Variants in CACNG2 observed in about 807,000 individuals in gnomAD.
CACNG2 encodes calcium voltage-gated channel auxiliary subunit gamma 2, also known as voltage-dependent calcium channel gamma-2 subunit.
Under a neutral mutation model 25.9 loss-of-function variants are expected in CACNG2, and 3 were observed. That is an observed-to-expected ratio of 0.12 (90% CI 0.05 to 0.30). The LOEUF is 0.30. Ranked by LOEUF, CACNG2 falls within the 10% of genes least tolerant of loss-of-function variation. The probability of loss-of-function intolerance (pLI) is 1.00; values close to 1 mark genes in which losing one functional copy is unlikely to be tolerated. For synonymous variants in CACNG2, 167 were observed against 173.3 expected (o/e 0.96, Z 0.29); for missense variants, 341 against 432.5 (o/e 0.79, Z 1.88).
At chr22:36,668,192 G>C (rs1397006989) in intron 1 of CACNG2, among the ~76,000 whole-genome samples, 1 of 152,212 alleles carries the variant, frequency 6.6e-6, no homozygotes, top group Admixed American at 6.5e-5. Flanking sequence ...ACTCCTGGCT[G>C]TCAGTCCTCA....
chr22:36,613,156 CTGTGTGTGTG>C (rs61572491), intron 1 of CACNG2, among the ~76,000 whole-genome samples: 17,180 of 146,218 alleles, frequency 0.12, 1,020 homozygotes, highest in East Asian at 0.23. Context: ...TACAGGCTCT[CTGTGTGTGTG>C]TGTGTGTGTG....
intron 1 of CACNG2, among the ~76,000 whole-genome samples, chr22:36,663,764 C>T (rs1936834536): frequency 1.3e-5 from 2 of 152,182 alleles, no homozygotes; most frequent in Admixed American, 6.5e-5. Context: ...CATGGGGACC[C>T]GCTGTGTCCT....
At chr22:36,655,544 T>C (rs1314320831) in intron 1 of CACNG2, among the ~76,000 whole-genome samples, 1 of 152,222 alleles carries the variant, frequency 6.6e-6, no homozygotes, top group Non-Finnish European at 1.5e-5. Context: ...TCGCCCTTTA[T>C]AGATTCAGCC....
chr22:36,669,091 T>C (rs1033716069), intron 1 of CACNG2, among the ~76,000 whole-genome samples: 8 of 152,120 alleles, frequency 5.3e-5, no homozygotes, highest in Non-Finnish European at 1.5e-5. Context: ...TTTAGCCCAG[T>C]TGAGTTGACA....
In CACNG2 at chr22:36,563,696, C is replaced by G. The variant is rs1935068050; in HGVS notation, c.*655G>C. 6.6e-6 allele frequency among the ~76,000 whole-genome samples: 1 copy of G among 151,894 alleles called. No homozygotes were observed. The highest frequency in any genetic ancestry group is 2.4e-5 in the African/African-American group (1 of 41,364). On this transcript the variant is annotated 3_prime_UTR_variant, in exon 4 of 4. Transcript: ENST00000300105. ...TCGAGCTCTGAGCCTTCCTGGAGTT[C>G]CTGGGGCACCCACCCAGGGGCTCCA...
At chr22:36,638,032 A>T (rs1936384275) in intron 1 of CACNG2, among the ~76,000 whole-genome samples, 1 of 152,086 alleles carries the variant, frequency 6.6e-6, no homozygotes, top group African/African-American at 2.4e-5. Context: ...AAAAAAAAAA[A>T]AAGAATCTTG....
chr22:36,645,750 C>T (rs1936513695), intron 1 of CACNG2, among the ~76,000 whole-genome samples: 1 of 152,144 alleles, frequency 6.6e-6, no homozygotes, highest in Non-Finnish European at 1.5e-5. Flanking sequence ...ACAGGAATCT[C>T]ATAATGGGAA....
chr22:36,566,582 C>T (rs6519020), intron 2 of CACNG2, 89 bp from the exon 3 acceptor site: 47,978 of 1,414,812 alleles, frequency 0.034, 3,007 homozygotes, highest in African/African-American at 0.26. Flanking sequence ...AGCCCCGAGG[C>T]GCTGGGGGTT....
At chr22:36,640,969 C>T (rs1368251777) in intron 1 of CACNG2, among the ~76,000 whole-genome samples, 4 of 152,184 alleles carry the variant, frequency 2.6e-5, no homozygotes, top group African/African-American at 9.7e-5. Context: ...CAAGGACTCG[C>T]AGGACCTACG....
At chr22:36,677,047 T>C (rs1937029436) in intron 1 of CACNG2, among the ~76,000 whole-genome samples, 1 of 152,036 alleles carries the variant, frequency 6.6e-6, no homozygotes, top group Non-Finnish European at 1.5e-5. Context: ...TCTACTCTTC[T>C]CTGGTTCTAA....
At chr22:36,627,773 C>T (rs914321215) in intron 1 of CACNG2, among the ~76,000 whole-genome samples, 1 of 151,986 alleles carries the variant, frequency 6.6e-6, no homozygotes, top group Non-Finnish European at 1.5e-5. Flanking sequence ...CAGGCGTGCG[C>T]CACCATGCCC....
chr22:36,660,222 C>G lies in CACNG2; in HGVS notation c.211+42144G>C, dbSNP rs562728345. On this transcript the variant is annotated intron_variant, in intron 1 of 3. Coordinates refer to ENST00000300105, the MANE Select transcript of CACNG2 (RefSeq NM_006078.5). ...CCCGTCCCCAGTGCTCATGACAGGA[C>G]TTGGCACCATGTAGGGGCTGCTCAG... Among the ~76,000 whole-genome samples the G allele has an allele frequency of 2.4e-4, 37 of 152,366 alleles. 2 individuals carry two copies. The South Asian group carries it at 6.6e-3, about 27-fold the overall frequency.
At position 36,564,407 on chromosome 22, in the gene CACNG2, C is replaced by G; in HGVS notation, c.916G>C (p.Glu306Gln). ...TTGGAGTGGAGAGAGTCCTTGTTCT[C>G]CTTCTGGATACAGTTGTGAACCTGG... ...FLQVHNCIQK[E>Q]NKDSLHSNTA... The change falls in exon 4 of 4, where the codon GAG (glutamate) becomes CAG (glutamine). Residue 306 changes from glutamate (E) to glutamine (Q), a missense_variant. Around this residue, in one of 2 missense-constraint regions of CACNG2, gnomAD observed 172 missense variants for 178.1 expected, o/e 0.97. Transcript: ENST00000300105. The surrounding 1 kb of genome is among the most constrained non-coding windows in gnomAD (Gnocchi z 6.7). 6.2e-7 allele frequency: 1 copy of G among 1,613,946 alleles called. No homozygotes were observed. Among genetic ancestry groups the G allele is most frequent in the East Asian group, 2.2e-5 (1 of 44,858 alleles).
intron 1 of CACNG2, among the ~76,000 whole-genome samples, chr22:36,624,208 G>C (rs1936149330): frequency 6.6e-6 from 1 of 152,206 alleles, no homozygotes; most frequent in Non-Finnish European, 1.5e-5. Context: ...GAGTCTGTGT[G>C]GGAGGCAGCG....
At chr22:36,700,189 A>G (rs1283390265) in intron 1 of CACNG2, among the ~76,000 whole-genome samples, 1 of 152,236 alleles carries the variant, frequency 6.6e-6, no homozygotes, top group Non-Finnish European at 1.5e-5. Flanking sequence ...CTTTACAGAC[A>G]ACTCAGGGAG....
At chr22:36,634,378 T>C (rs1251002788) in intron 1 of CACNG2, among the ~76,000 whole-genome samples, 1 of 152,198 alleles carries the variant, frequency 6.6e-6, no homozygotes, top group Non-Finnish European at 1.5e-5. Flanking sequence ...CATGGTGACT[T>C]CAGAAGCTGT....
At chr22:36,686,308 C>T (rs1370922532) in intron 1 of CACNG2, among the ~76,000 whole-genome samples, 2 of 152,172 alleles carry the variant, frequency 1.3e-5, no homozygotes, top group African/African-American at 2.4e-5. Flanking sequence ...AAGGAGATGA[C>T]CCTGTCACAG....
Position 36,564,073 on chromosome 22 carries a change from A to T in CACNG2, c.*278T>A, listed in dbSNP as rs1935077733. ...TTTTTTATCCCTCTCGCTTTTTTTT[A>T]AAGTTTGTTTTCTTCCCTCGTTTAT... On this transcript the variant is annotated 3_prime_UTR_variant, in exon 4 of 4. Transcript: ENST00000300105. This position sits in a 1 kb window ranked among gnomAD's most constrained non-coding sequence, Gnocchi z 6.7. 1 of 298,038 alleles carries T rather than the reference A, an allele frequency of 3.4e-6. No homozygotes were observed. The highest frequency in any genetic ancestry group is 5.7e-5 in the East Asian group (1 of 17,676). 18.5% of individuals were successfully genotyped at this position (298,038 alleles called of 1,614,324 possible).
chr22:36,679,136 CCCTTCCTTCCTTCCTT>C (rs575397901), intron 1 of CACNG2, among the ~76,000 whole-genome samples: 2,558 of 128,392 alleles, frequency 0.02, 41 homozygotes, highest in South Asian at 0.036. Flanking sequence ...TGGATTTTCT[CCCTTCCTTCCTTCCTT>C]CCTTCCTTCC....
Sources: allele counts gnomAD v4.1 joint callset (sites outside exome capture counted in the v4.1 genomes callset), GRCh38; gene constraint gnomAD v4.1.1; regional missense constraint gnomAD v4.1.1; non-coding constraint Gnocchi (gnomAD v3.1); transcripts MANE v1.5; gene names NCBI Gene and HGNC (gene_info 2026-07-23, HGNC 2026-07-21).